RALYL: variants seen among roughly 807,000 people sequenced by gnomAD.
RALYL encodes the protein RNA-binding Raly-like protein.
Under a neutral mutation model 35.1 loss-of-function variants are expected in RALYL, and 29 were observed. That is an observed-to-expected ratio of 0.83 (90% CI 0.61 to 1.13). The LOEUF is 1.13. Ranked by LOEUF, RALYL falls within the 50% of genes most tolerant of loss-of-function variation. RALYL has a pLI of 0.00. For missense variants in RALYL, 359 were observed against 360.4 expected, an observed-to-expected ratio of 1.00 and a Z score of 0.03; for synonymous variants, 120 against 127.6, an observed-to-expected ratio of 0.94 and a Z score of 0.40.
At chr8:84,720,864 C>A (rs539411399) in intron 2 of RALYL, among the ~76,000 whole-genome samples, 2 of 151,832 alleles carry the variant, frequency 1.3e-5, no homozygotes, top group African/African-American at 4.8e-5. Flanking sequence ...GACATACAAA[C>A]GGATAGCAGA....
chr8:84,485,855 C>T (rs1038224852), intron 1 of RALYL, among the ~76,000 whole-genome samples: 2 of 152,056 alleles, frequency 1.3e-5, no homozygotes, highest in Admixed American at 6.6e-5. Flanking sequence ...GTCTTGTCTA[C>T]ATTTTTACAA....
At chr8:84,537,725 TA>T (rs770071470) in intron 2 of RALYL, among the ~76,000 whole-genome samples, 1 of 152,202 alleles carries the variant, frequency 6.6e-6, no homozygotes, top group African/African-American at 2.4e-5. Context: ...ATTACATTTT[TA>T]AAAAATTATC....
chr8:84,834,029 T>G (rs1180164143), intron 4 of RALYL, among the ~76,000 whole-genome samples: 1 of 152,154 alleles, frequency 6.6e-6, no homozygotes, highest in Non-Finnish European at 1.5e-5. Context: ...AGTTGATACA[T>G]TTTCCCTTGA....
chr8:84,637,707 G>A (rs1025713361), intron 2 of RALYL, among the ~76,000 whole-genome samples: 1 of 151,772 alleles, frequency 6.6e-6, no homozygotes, highest in African/African-American at 2.4e-5. Flanking sequence ...GTGGTCCTCC[G>A]GGAGTGTGGA....
chr8:84,290,310 G>A (rs941950878), intron 1 of RALYL, among the ~76,000 whole-genome samples: 23 of 152,074 alleles, frequency 1.5e-4, no homozygotes, highest in African/African-American at 4.8e-4. Flanking sequence ...TTTCATGCGC[G>A]TCTGTGTGAA....
At chr8:84,302,950 G>A (rs1416360045) in intron 1 of RALYL, among the ~76,000 whole-genome samples, 1 of 152,188 alleles carries the variant, frequency 6.6e-6, no homozygotes, top group Non-Finnish European at 1.5e-5. Context: ...CTTTGAGATG[G>A]AGAATCTTAA....
At position 84,732,007 on chromosome 8, in the gene RALYL, T is replaced by C. The variant is rs552741079; in HGVS notation, c.257-42572T>C. Among the ~76,000 whole-genome samples the C allele has an allele frequency of 1.2e-4, 18 of 152,264 alleles. No homozygotes were observed. The South Asian group carries it at 2.9e-3, about 25-fold the overall frequency. On this transcript the variant is annotated intron_variant, in intron 2 of 8. Coordinates refer to ENST00000521268, the MANE Select transcript of RALYL (RefSeq NM_173848.7). ...CCTTTATTTGTTTAATAAACGTTTG[T>C]CCTTCAGACCTCAGGTGAAATGTGA...
At position 84,789,098 on chromosome 8, in the gene RALYL, G is replaced by T. The variant is rs537038469; in HGVS notation, c.332+14444G>T. 2.6e-5 allele frequency among the ~76,000 whole-genome samples: 4 copies of T among 152,306 alleles called. No homozygotes were observed. The South Asian group carries it at 8.3e-4, about 32-fold the overall frequency. ...CCAGGTTGTAGCCTTAGTATGCAGA[G>T]CGTGGGACATGACAGAAAAACAGGA... On this transcript the variant is annotated intron_variant, in intron 3 of 8. Coordinates refer to ENST00000521268, the MANE Select transcript of RALYL (RefSeq NM_173848.7).
chr8:84,733,522 A>G (rs753137242), intron 2 of RALYL, among the ~76,000 whole-genome samples: 4 of 152,160 alleles, frequency 2.6e-5, no homozygotes, highest in Non-Finnish European at 5.9e-5. Context: ...TGATACTAGG[A>G]GCACAAAGTT....
At chr8:84,691,542 A>G (rs970222108) in intron 2 of RALYL, among the ~76,000 whole-genome samples, 1 of 152,060 alleles carries the variant, frequency 6.6e-6, no homozygotes, top group African/African-American at 2.4e-5. Flanking sequence ...TTATATTCCT[A>G]AGGAGCTAAG....
At chr8:84,528,197 A>G (rs1052995073) in intron 1 of RALYL, among the ~76,000 whole-genome samples, 3 of 152,170 alleles carry the variant, frequency 2.0e-5, no homozygotes, top group Admixed American at 6.5e-5. Flanking sequence ...AACTGTATCA[A>G]TTAGCTAATG....
chr8:84,262,515 G>GT (rs1474056774), intron 1 of RALYL, among the ~76,000 whole-genome samples: 1 of 152,002 alleles, frequency 6.6e-6, no homozygotes, highest in Non-Finnish European at 1.5e-5. Context: ...ATGATTTGTT[G>GT]TTTTTTATAA....
chr8:84,556,466 A>G (rs1320767), intron 2 of RALYL, among the ~76,000 whole-genome samples: 12,824 of 152,212 alleles, frequency 0.084, 1,347 homozygotes, highest in African/African-American at 0.25. Context: ...TCCAAAGACT[A>G]AGCTCCTATC....
intron 8 of RALYL, 96 bp downstream of exon 8, chr8:84,887,872 G>T (rs1563812903): frequency 1.7e-6 from 2 of 1,166,650 alleles, no homozygotes; most frequent in East Asian, 2.4e-5. Context: ...ATCATTTGGG[G>T]CTTATTTCTC....
chr8:84,705,838 G>A lies in RALYL; in HGVS notation c.257-68741G>A, dbSNP rs1841107404. ...CCCTAGAAGATTTACATTAAACAGA[G>A]TAGTTACAGGCTGTAGCATCTCCCC... On this transcript the variant is annotated intron_variant, in intron 2 of 8. Coordinates refer to ENST00000521268, the MANE Select transcript of RALYL (RefSeq NM_173848.7). 3.3e-6 allele frequency: 4 copies of A among 1,207,014 alleles called. No individual in the cohort carries two copies. The African/African-American group carries it at 6.2e-5, about 19-fold the overall frequency. 74.8% of individuals were successfully genotyped at this position (1,207,014 alleles called of 1,614,324 possible). A position where few individuals can be genotyped will look rare whatever the true frequency, so the allele number is the denominator to read the frequency against.
intron 2 of RALYL, among the ~76,000 whole-genome samples, chr8:84,555,155 T>G (rs1331084669): frequency 6.6e-6 from 1 of 152,136 alleles, no homozygotes; most frequent in Non-Finnish European, 1.5e-5. Flanking sequence ...GGCACACGCC[T>G]GTAATCCCAG....
At chr8:84,846,012 C>G (rs919117650) in intron 4 of RALYL, among the ~76,000 whole-genome samples, 12 of 152,010 alleles carry the variant, frequency 7.9e-5, no homozygotes, top group African/African-American at 2.4e-4. Flanking sequence ...ATTTTTGTAC[C>G]AGGACCATGC....
intron 1 of RALYL, among the ~76,000 whole-genome samples, chr8:84,192,702 C>T (rs982840859): frequency 2.6e-5 from 4 of 151,952 alleles, no homozygotes; most frequent in African/African-American, 7.2e-5. Flanking sequence ...AGATTACAGG[C>T]GTGTGCCAAC....
At chr8:84,770,080 G>A (rs954525288) in intron 2 of RALYL, among the ~76,000 whole-genome samples, 2 of 151,860 alleles carry the variant, frequency 1.3e-5, no homozygotes, top group Non-Finnish European at 1.5e-5. Flanking sequence ...AGGTTTTGGC[G>A]AACAGGTGGT....
Sources: gnomAD v4.1 joint callset for allele counts (sites outside exome capture counted in the v4.1 genomes callset) on GRCh38, gnomAD v4.1.1 for gene constraint, MANE v1.5 for transcripts, NCBI Gene and HGNC (gene_info 2026-07-23, HGNC 2026-07-21) for gene names.